Variants in FHIT observed in about 807,000 individuals in gnomAD.
The protein encoded by FHIT is bis(5'-adenosyl)-triphosphatase.
FHIT carries 19 observed loss-of-function variants against 17.9 expected under a neutral mutation model. That is an observed-to-expected ratio of 1.06 (90% CI 0.74 to 1.56). The LOEUF (loss-of-function observed/expected upper bound fraction) is 1.56. FHIT is among the 40% of genes most tolerant of loss of function. The probability of loss-of-function intolerance (pLI) is 0.00; values close to 1 mark genes in which losing one functional copy is unlikely to be tolerated. For missense variants in FHIT, 248 were observed against 189.2 expected, an observed-to-expected ratio of 1.31 and a Z score of -1.82; for synonymous variants, 81 against 69.7, an observed-to-expected ratio of 1.16 and a Z score of -0.81.
intron 5 of FHIT, among the ~76,000 whole-genome samples, chr3:60,281,768 T>C (rs550145089): frequency 1.3e-5 from 2 of 152,248 alleles, no homozygotes; most frequent in East Asian, 3.9e-4. Context: ...GATTTGAGTT[T>C]GGCAATTTGT....
chr3:61,185,069 T>G (rs557774033), intron 2 of FHIT, among the ~76,000 whole-genome samples: 1 of 130,470 alleles, frequency 7.7e-6, no homozygotes, highest in South Asian at 3.0e-4. Context: ...ATAAATAGAC[T>G]TTTTCCCCCC....
rs1239994360 is a variant in FHIT at position 59,894,557 on chromosome 3, G to A, written c.348+27789C>T. Among the ~76,000 whole-genome samples, 15 of 150,186 alleles carry A rather than the reference G, an allele frequency of 1.0e-4. 1 individual carries two copies. The South Asian group carries it at 2.3e-3, about 23-fold the overall frequency. On this transcript the variant is annotated intron_variant, in intron 8 of 9. Coordinates refer to ENST00000492590, the MANE Select transcript of FHIT (RefSeq NM_002012.4). ...AAGTGTAAAACTTACAAGCAGTGGT[G>A]GAGTGGGACAAGTCAAATCTACACA... is the stretch of plus-strand genomic sequence containing the variant.
At chr3:61,206,626 T>C (rs557293100) in intron 1 of FHIT, among the ~76,000 whole-genome samples, 1 of 152,298 alleles carries the variant, frequency 6.6e-6, no homozygotes, top group African/African-American at 2.4e-5. Context: ...GTTTGTCTGT[T>C]ATTGGTGTAA....
At chr3:59,954,067 T>C (rs1469010072) in intron 7 of FHIT, among the ~76,000 whole-genome samples, 1 of 152,156 alleles carries the variant, frequency 6.6e-6, no homozygotes, top group African/African-American at 2.4e-5. Flanking sequence ...CAATGGCAGT[T>C]TAACTTGAAG....
intron 5 of FHIT, among the ~76,000 whole-genome samples, chr3:60,517,340 T>C (rs2035197747): frequency 6.6e-6 from 1 of 152,194 alleles, no homozygotes; most frequent in Non-Finnish European, 1.5e-5. Flanking sequence ...AATTCTTCCA[T>C]CCCATCCTAC....
intron 4 of FHIT, among the ~76,000 whole-genome samples, chr3:60,660,727 C>CTTTTTTTT (rs1220817643): frequency 2.0e-3 from 33 of 16,728 alleles, no homozygotes; most frequent in African/African-American, 2.9e-3. Context: ...TTTTATTGTG[C>CTTTTTTTT]TCTTTTTTTT....
At chr3:60,201,236 G>A (rs1353466927) in intron 5 of FHIT, among the ~76,000 whole-genome samples, 1 of 152,146 alleles carries the variant, frequency 6.6e-6, no homozygotes, top group Non-Finnish European at 1.5e-5. Flanking sequence ...GGTGGGAAAC[G>A]TGGCTCCCAA....
Position 61,106,511 on chromosome 3 carries a change from T to C in FHIT, c.-163-64412A>G, listed in dbSNP as rs2035992722. ...ACCATCATTCTACTCTCTGCTTCTATGAGCTTGGCTTTTTTAATTAATTAA... is the reference window on the plus strand; with the variant it reads ...ACCATCATTCTACTCTCTGCTTCTACGAGCTTGGCTTTTTTAATTAATTAA... On this transcript the variant is annotated intron_variant, in intron 2 of 9. Coordinates refer to ENST00000492590, the MANE Select transcript of FHIT (RefSeq NM_002012.4). Among the ~76,000 whole-genome samples, 4 of 152,194 alleles carry C rather than the reference T, an allele frequency of 2.6e-5. No individual in the cohort carries two copies. The South Asian group carries it at 8.3e-4, about 31-fold the overall frequency.
intron 5 of FHIT, among the ~76,000 whole-genome samples, chr3:60,348,821 T>C (rs1288874655): frequency 1.3e-5 from 2 of 152,230 alleles, no homozygotes; most frequent in Admixed American, 6.5e-5. Context: ...CTCTTCCTAT[T>C]TGCCATCAGC....
At chr3:60,480,228 A>C (rs1467802519) in intron 5 of FHIT, among the ~76,000 whole-genome samples, 1 of 152,116 alleles carries the variant, frequency 6.6e-6, no homozygotes, top group Non-Finnish European at 1.5e-5. Flanking sequence ...GAACTCCCTC[A>C]CTATCATGAG....
chr3:60,457,989 T>C (rs1162300445), intron 5 of FHIT, among the ~76,000 whole-genome samples: 1 of 152,160 alleles, frequency 6.6e-6, no homozygotes, highest in African/African-American at 2.4e-5. Flanking sequence ...TTGGTAGGAA[T>C]GTAAACTACT....
chr3:60,509,315 G>T (rs984580170), intron 5 of FHIT, among the ~76,000 whole-genome samples: 2 of 152,142 alleles, frequency 1.3e-5, no homozygotes, highest in African/African-American at 4.8e-5. Flanking sequence ...AGGCCTGTTT[G>T]TGCTTAGCTT....
chr3:59,868,066 A>C (rs1010469713), intron 8 of FHIT, among the ~76,000 whole-genome samples: 4 of 149,770 alleles, frequency 2.7e-5, no homozygotes, highest in Admixed American at 2.0e-4. Context: ...AAAAAAAAAA[A>C]CCTTTCATTG....
chr3:60,023,364 G>C (rs1294479291), intron 5 of FHIT, among the ~76,000 whole-genome samples: 1 of 152,222 alleles, frequency 6.6e-6, no homozygotes, highest in East Asian at 1.9e-4. Context: ...CATTTCACCA[G>C]TATGTGAATG....
chr3:60,590,788 T>G (rs1241929480), intron 4 of FHIT, among the ~76,000 whole-genome samples: 1 of 151,966 alleles, frequency 6.6e-6, no homozygotes, highest in African/African-American at 2.4e-5. Flanking sequence ...TGCACTCGAG[T>G]TAGGAAGACA....
chr3:60,989,360 T>A (rs1402396060), intron 3 of FHIT, among the ~76,000 whole-genome samples: 1 of 152,014 alleles, frequency 6.6e-6, no homozygotes, highest in Non-Finnish European at 1.5e-5. Flanking sequence ...TCTTGCTTTG[T>A]TGCTCAGTCT....
At chr3:60,796,538 T>TA (rs1344543022) in intron 4 of FHIT, among the ~76,000 whole-genome samples, 10 of 152,312 alleles carry the variant, frequency 6.6e-5, no homozygotes, top group Middle Eastern at 3.4e-3. Context: ...AAGTTGGGTT[T>TA]AAAATGTTTC....
At chr3:60,175,976 C>A (rs1264613540) in intron 5 of FHIT, among the ~76,000 whole-genome samples, 1 of 152,156 alleles carries the variant, frequency 6.6e-6, no homozygotes. Flanking sequence ...CATATATTTA[C>A]TGAGCATTTG....
chr3:60,350,014 G>A (rs1006971185), intron 5 of FHIT, among the ~76,000 whole-genome samples: 1 of 152,134 alleles, frequency 6.6e-6, no homozygotes, highest in Non-Finnish European at 1.5e-5. Flanking sequence ...TAAAACAATA[G>A]AAGACAATTG....
Sources: gnomAD v4.1 joint callset for allele counts (sites outside exome capture counted in the v4.1 genomes callset) on GRCh38, gnomAD v4.1.1 for gene constraint, MANE v1.5 for transcripts, NCBI Gene and HGNC (gene_info 2026-07-23, HGNC 2026-07-21) for gene names.